The following MAD1L1 variants were observed in gnomAD, a reference collection of about 807,000 sequenced individuals.
The protein encoded by MAD1L1 is mitotic spindle assembly checkpoint protein MAD1.
A neutral mutation model predicts 96.9 loss-of-function variants in MAD1L1; 95 were observed. That is an observed-to-expected ratio of 0.98 (90% CI 0.83 to 1.16). The LOEUF (loss-of-function observed/expected upper bound fraction) is 1.16. MAD1L1 is among the 50% of genes most tolerant of loss of function. The pLI, the probability that MAD1L1 is intolerant of heterozygous loss-of-function variation, is 0.00. For missense variants in MAD1L1, 1,007 were observed against 954.4 expected, an observed-to-expected ratio of 1.06 and a Z score of -0.73; for synonymous variants, 473 against 396.6, an observed-to-expected ratio of 1.19 and a Z score of -2.29.
At chr7:1,935,490 G>T (rs1266926454) in intron 17 of MAD1L1, among the ~76,000 whole-genome samples, 2 of 152,204 alleles carry the variant, frequency 1.3e-5, no homozygotes, top group African/African-American at 4.8e-5. Context: ...CTGCCGGCAG[G>T]GTGCGCCCAG....
At chr7:1,957,419 G>A (rs965729130) in intron 16 of MAD1L1, among the ~76,000 whole-genome samples, 1 of 152,264 alleles carries the variant, frequency 6.6e-6, no homozygotes, top group African/African-American at 2.4e-5. Flanking sequence ...GGTGGTGCGG[G>A]CCGCAGAGGA....
At chr7:1,847,354 C>T (rs1315378250) in intron 18 of MAD1L1, 5 of 470,928 alleles carry the variant, frequency 1.1e-5, no homozygotes, top group Admixed American at 2.3e-5. Flanking sequence ...CGCGGAGGTA[C>T]CACGGGGCGG....
intron 10 of MAD1L1, among the ~76,000 whole-genome samples, chr7:2,167,019 C>T (rs576711506): frequency 9.2e-5 from 14 of 152,320 alleles, no homozygotes; most frequent in African/African-American, 2.9e-4. Flanking sequence ...CTGTAGCTCA[C>T]GGGGCTAGAA....
intron 14 of MAD1L1, among the ~76,000 whole-genome samples, chr7:1,996,201 G>A (rs112869977): frequency 2.7e-5 from 4 of 147,688 alleles, no homozygotes; most frequent in Admixed American, 6.7e-5. Flanking sequence ...GGGTCCCCCC[G>A]GGTCTACACA....
At chr7:1,858,271 T>A (rs908792962) in intron 18 of MAD1L1, among the ~76,000 whole-genome samples, 13 of 152,302 alleles carry the variant, frequency 8.5e-5, no homozygotes, top group South Asian at 4.1e-4. Context: ...GGTGCTGGGA[T>A]CTGAGTGGGG....
At chr7:2,107,211 G>A (rs908981684) in intron 11 of MAD1L1, among the ~76,000 whole-genome samples, 3 of 152,220 alleles carry the variant, frequency 2.0e-5, no homozygotes, top group Non-Finnish European at 4.4e-5. Flanking sequence ...AGGAGTGTGT[G>A]GGGCGGGACA....
chr7:2,223,455 G>C (rs1793717882), intron 4 of MAD1L1: 1 of 152,290 alleles, frequency 6.6e-6, no homozygotes, highest in Non-Finnish European at 1.5e-5. Flanking sequence ...TGAAGGCGGT[G>C]AGTCCTGGTG....
chr7:2,002,159 G>A lies in MAD1L1; in HGVS notation c.1360-38C>T, dbSNP rs771365222. The A allele has an allele frequency of 3.1e-6, 5 of 1,601,094 alleles. No individual in the cohort carries two copies. In the East Asian group the frequency reaches 8.9e-5, roughly 29 times the overall value. ...ACAGGATTCGGCCTGAGACTGTGGTGGGCCAGGCCCCATTTCTAGGACTGC... is the reference window on the plus strand; with the variant it reads ...ACAGGATTCGGCCTGAGACTGTGGTAGGCCAGGCCCCATTTCTAGGACTGC... On this transcript the variant is annotated intron_variant, in intron 13 of 18. Transcript: ENST00000265854.
At chr7:1,951,648 C>A (rs933592883) in intron 16 of MAD1L1, among the ~76,000 whole-genome samples, 1 of 152,222 alleles carries the variant, frequency 6.6e-6, no homozygotes, top group Admixed American at 6.5e-5. Context: ...GTCTATGGAT[C>A]TGATGACTCT....
chr7:2,053,096 T>G (rs1394772601), intron 12 of MAD1L1, among the ~76,000 whole-genome samples: 1 of 152,214 alleles, frequency 6.6e-6, no homozygotes, highest in African/African-American at 2.4e-5. Flanking sequence ...GCTCTGCCAC[T>G]GACAGCTACA....
At position 1,963,354 on chromosome 7, in the gene MAD1L1, G is replaced by A. The variant is rs1780027538; in HGVS notation, c.1506-5635C>T. On this transcript the variant is annotated intron_variant, in intron 15 of 18. Coordinates refer to ENST00000265854, the MANE Select transcript of MAD1L1 (RefSeq NM_001013836.2). ...CCACATGCTCCAGGACCAACGCCAT[G>A]CCCAGAAGACTCGACAGCCGCCCGC... Among the ~76,000 whole-genome samples the A allele has an allele frequency of 2.6e-5, 4 of 152,158 alleles. No individual in the cohort carries two copies. The South Asian group carries it at 8.3e-4, about 32-fold the overall frequency.
At chr7:1,943,408 AG>A (rs1779089335) in intron 16 of MAD1L1, among the ~76,000 whole-genome samples, 1 of 152,236 alleles carries the variant, frequency 6.6e-6, no homozygotes, top group African/African-American at 2.4e-5. Context: ...CAAACGACCC[AG>A]TGTCACAATA....
chr7:2,133,099 T>C (rs1788595642), intron 11 of MAD1L1, among the ~76,000 whole-genome samples: 1 of 151,106 alleles, frequency 6.6e-6, no homozygotes, highest in Non-Finnish European at 1.5e-5. Flanking sequence ...CGTGTCTGCT[T>C]TGGTGAGGCA....
At chr7:2,050,585 G>A (rs891074642) in intron 12 of MAD1L1, among the ~76,000 whole-genome samples, 2 of 152,182 alleles carry the variant, frequency 1.3e-5, no homozygotes, top group Non-Finnish European at 1.5e-5. Flanking sequence ...CCTTCTGACT[G>A]AGGCCAGGGA....
intron 15 of MAD1L1, among the ~76,000 whole-genome samples, chr7:1,979,895 G>A (rs893873240): frequency 1.3e-5 from 2 of 152,230 alleles, no homozygotes; most frequent in African/African-American, 2.4e-5. Context: ...CCTTCTGAGC[G>A]TCAGGGACAC....
intron 17 of MAD1L1, among the ~76,000 whole-genome samples, chr7:1,911,603 A>C (rs532751150): frequency 6.6e-6 from 1 of 152,296 alleles, no homozygotes; most frequent in East Asian, 1.9e-4. Flanking sequence ...TCACCAGCGA[A>C]CTTCTGCAAG....
At chr7:2,116,945 C>T (rs1264848532) in intron 11 of MAD1L1, among the ~76,000 whole-genome samples, 1 of 152,200 alleles carries the variant, frequency 6.6e-6, no homozygotes, top group Non-Finnish European at 1.5e-5. Context: ...AGTGAAGGCC[C>T]ACAGCAAACA....
chr7:1,822,619 C>A (rs904319403), intron 18 of MAD1L1, among the ~76,000 whole-genome samples: 22 of 151,656 alleles, frequency 1.5e-4, no homozygotes, highest in African/African-American at 5.3e-4. Context: ...GATGGGGTCT[C>A]CCTGTGTTGC....
intron 17 of MAD1L1, among the ~76,000 whole-genome samples, chr7:1,913,367 C>G (rs914657464): frequency 2.6e-5 from 4 of 151,696 alleles, no homozygotes; most frequent in African/African-American, 9.7e-5. Context: ...CCTGGGGTGG[C>G]GTGGGGTGGG....
Sources: allele counts gnomAD v4.1 joint callset (sites outside exome capture counted in the v4.1 genomes callset), GRCh38; gene constraint gnomAD v4.1.1; transcripts MANE v1.5; gene names NCBI Gene and HGNC (gene_info 2026-07-23, HGNC 2026-07-21).